Variants in PPP2R5C observed in about 807,000 individuals in gnomAD.
The protein encoded by PPP2R5C is protein phosphatase 2 regulatory subunit B'gamma.
In PPP2R5C, 7 loss-of-function variants were observed where a neutral mutation model predicts 68.9. The ratio of observed to expected loss-of-function variants is 0.10; its 90% confidence interval spans 0.06 to 0.19. The LOEUF (loss-of-function observed/expected upper bound fraction) is 0.19, where lower values mean the gene tolerates loss of function less well. Ranked by LOEUF, PPP2R5C falls within the 10% of genes least tolerant of loss-of-function variation. The pLI, the probability that PPP2R5C is intolerant of heterozygous loss-of-function variation, is 1.00. For missense variants in PPP2R5C, 348 were observed against 641.3 expected (o/e 0.54, Z 4.94); for synonymous variants, 210 against 222.2 (o/e 0.95, Z 0.49).
chr14:101,799,389 C>G (rs898806652), intron 3 of PPP2R5C, among the ~76,000 whole-genome samples: 2 of 152,182 alleles, frequency 1.3e-5, no homozygotes, highest in African/African-American at 2.4e-5. Flanking sequence ...CACTCCATAT[C>G]TGACGCTGGC....
At chr14:101,848,345 A>G (rs2041961278) in intron 1 of PPP2R5C, among the ~76,000 whole-genome samples, 2 of 152,148 alleles carry the variant, frequency 1.3e-5, no homozygotes. Flanking sequence ...AGCCTGGCCA[A>G]TGTGGTGAAA....
chr14:101,780,590 C>G (rs975497026), intron 2 of PPP2R5C, among the ~76,000 whole-genome samples: 7 of 152,164 alleles, frequency 4.6e-5, no homozygotes, highest in Admixed American at 6.5e-5. Flanking sequence ...GCCATTCCCC[C>G]ACGTTCCCTG....
At chr14:101,816,866 T>A (rs898652248) in intron 1 of PPP2R5C, among the ~76,000 whole-genome samples, 2 of 140,366 alleles carry the variant, frequency 1.4e-5, no homozygotes, top group African/African-American at 2.6e-5. Context: ...ATATATATAT[T>A]TATTTATATA....
intron 2 of PPP2R5C, among the ~76,000 whole-genome samples, chr14:101,774,285 A>C (rs2139990168): frequency 6.6e-6 from 1 of 152,184 alleles, no homozygotes; most frequent in Admixed American, 6.5e-5. Context: ...AACTGCAGAG[A>C]ATTTGCTTTG....
At chr14:101,800,651 C>CA (rs201617260) in intron 3 of PPP2R5C, among the ~76,000 whole-genome samples, 6,356 of 124,374 alleles carry the variant, frequency 0.051, 422 homozygotes, top group African/African-American at 0.16. Flanking sequence ...TTAGCAATAC[C>CA]AAAAAAAAAA....
chr14:101,760,980 G>GAGGGC (rs1386028930), upstream of PPP2R5C, among the ~76,000 whole-genome samples: 1 of 107,206 alleles, frequency 9.3e-6, no homozygotes, highest in Non-Finnish European at 2.0e-5. Context: ...GAGGGGAGGG[G>GAGGGC]AGGGCAGGGG....
chr14:101,896,189 T>C (rs2045313583), intron 8 of PPP2R5C, among the ~76,000 whole-genome samples: 1 of 151,642 alleles, frequency 6.6e-6, no homozygotes, highest in Non-Finnish European at 1.5e-5. Flanking sequence ...CCGGCTAATT[T>C]TTGCATTTTT....
At chr14:101,766,831 G>C (rs2036884403) in intron 2 of PPP2R5C, 1 of 152,158 alleles carries the variant, frequency 6.6e-6, no homozygotes, top group Non-Finnish European at 1.5e-5. Context: ...TCAAATCTGT[G>C]GAAACATAAC....
At chr14:101,871,966 A>G (rs1207114496) in intron 2 of PPP2R5C, among the ~76,000 whole-genome samples, 3 of 152,098 alleles carry the variant, frequency 2.0e-5, no homozygotes, top group Non-Finnish European at 4.4e-5. Context: ...TTTTTGTTTT[A>G]AAGAAATTTA....
Position 101,917,805 on chromosome 14 carries a change from G to T in PPP2R5C, c.1327-26G>T. Reference sequence around the variant, plus strand: ...GAGTTCAGAGCCTGGGCACCTAACAGAGCGACTCCACGCTTTGCATTGCAG... The same window carrying T: ...GAGTTCAGAGCCTGGGCACCTAACATAGCGACTCCACGCTTTGCATTGCAG... On this transcript the variant is annotated intron_variant, in intron 12 of 13. Transcript: ENST00000334743. This position sits in a 1 kb window ranked among gnomAD's most constrained non-coding sequence, Gnocchi z 4.4. 6.2e-7 allele frequency: 1 copy of T among 1,612,608 alleles called. No individual in the cohort carries two copies. The highest frequency in any genetic ancestry group is 1.1e-5 in the South Asian group (1 of 90,996).
chr14:101,889,475 C>T (rs1371897321), intron 5 of PPP2R5C, among the ~76,000 whole-genome samples: 1 of 152,212 alleles, frequency 6.6e-6, no homozygotes, highest in Admixed American at 6.5e-5. Context: ...CAGCATCAAA[C>T]AGATGCCAGG....
chr14:101,816,964 AT>A lies in PPP2R5C; in HGVS notation c.94+6940del, dbSNP rs1187346054. On this transcript the variant is annotated intron_variant, in intron 1 of 13. Transcript: ENST00000334743. ...ATAAAAATATTATATATGTATATATATTTTTTTTTTTTGAGATGGAGTCTTG... is the reference window on the plus strand; with the variant it reads ...ATAAAAATATTATATATGTATATATATTTTTTTTTTTGAGATGGAGTCTTG... 9.8e-3 allele frequency among the ~76,000 whole-genome samples: 1,341 copies of A among 137,210 alleles called. 28 individuals are homozygous for A. The highest frequency in any genetic ancestry group is 0.032 in the African/African-American group (1,207 of 37,220). 90.0% of individuals were successfully genotyped at this position (137,210 alleles called of 152,430 possible).
chr14:101,868,284 C>A (rs771887152), intron 2 of PPP2R5C, among the ~76,000 whole-genome samples: 2 of 152,120 alleles, frequency 1.3e-5, no homozygotes, highest in Admixed American at 6.5e-5. Context: ...TATCAGTAAG[C>A]TGTTTTTTAG....
At chr14:101,824,144 A>G (rs1459934015) in intron 1 of PPP2R5C, 2 of 1,284,238 alleles carry the variant, frequency 1.6e-6, no homozygotes, top group East Asian at 1.1e-4. Context: ...TGCATTTTAG[A>G]CATAGCTGGC....
exon 9 of PPP2R5C, chr14:101,901,808 C>T (rs1253951952): frequency 1.2e-6 from 2 of 1,614,106 alleles, no homozygotes; most frequent in East Asian, 2.2e-5. Flanking sequence ...TTTTAGATGT[C>T]ATTGAACCAT....
At chr14:101,839,201 T>G (rs1486967566) in intron 1 of PPP2R5C, 1 of 150,102 alleles carries the variant, frequency 6.7e-6, no homozygotes, top group Admixed American at 6.7e-5. Context: ...AAATACAAAA[T>G]TAGCCGGGAG....
At chr14:101,909,428 G>T (rs45547933) in intron 10 of PPP2R5C, among the ~76,000 whole-genome samples, 161 bp from the exon 13 acceptor site, 3 of 152,168 alleles carry the variant, frequency 2.0e-5, no homozygotes, top group African/African-American at 7.2e-5. Flanking sequence ...ATGTGTGGCT[G>T]TCAGAAAACA....
intron 3 of PPP2R5C, among the ~76,000 whole-genome samples, chr14:101,802,452 C>T (rs1210895363): frequency 1.3e-5 from 2 of 151,970 alleles, no homozygotes; most frequent in Non-Finnish European, 2.9e-5. Context: ...GGACCCTTAC[C>T]TTCATAACAC....
intron 1 of PPP2R5C, chr14:101,818,911 T>C: frequency 9.0e-7 from 1 of 1,116,480 alleles, no homozygotes; most frequent in African/African-American, 1.6e-5. Flanking sequence ...TTTTGTCTGC[T>C]GGTTGTGTTA....
Sources: gnomAD v4.1 joint callset for allele counts (sites outside exome capture counted in the v4.1 genomes callset) on GRCh38, gnomAD v4.1.1 for gene constraint, Gnocchi (gnomAD v3.1) non-coding constraint, MANE v1.5 for transcripts, NCBI Gene and HGNC (gene_info 2026-07-23, HGNC 2026-07-21) for gene names.